Variants in RBM20 observed in about 807,000 individuals in gnomAD.
RBM20 encodes the protein RNA binding motif protein 20, also known as RNA-binding protein 20.
RBM20 carries 51 observed loss-of-function variants against 110.1 expected under a neutral mutation model. The ratio of observed to expected loss-of-function variants is 0.46; its 90% confidence interval spans 0.37 to 0.59. RBM20 has a LOEUF of 0.59. Among genes scored for constraint, RBM20 ranks in the 20% least tolerant of loss-of-function variants. The pLI, the probability that RBM20 is intolerant of heterozygous loss-of-function variation, is 0.00. For synonymous variants in RBM20, 589 were observed against 618.2 expected (o/e 0.95, Z 0.70); for missense variants, 1,512 against 1,574.9 (o/e 0.96, Z 0.68).
chr10:110,692,521 T>C (rs977130062), intron 1 of RBM20, among the ~76,000 whole-genome samples: 11 of 152,184 alleles, frequency 7.2e-5, no homozygotes, highest in African/African-American at 2.4e-4. Context: ...GAAATTGTTT[T>C]CATAATTTTC....
chr10:110,715,769 C>A (rs911038172), intron 1 of RBM20, among the ~76,000 whole-genome samples: 21 of 152,178 alleles, frequency 1.4e-4, no homozygotes, highest in African/African-American at 4.6e-4. Flanking sequence ...AGAGAGAGTA[C>A]TGAAGGGTCT....
At chr10:110,795,248 A>C (rs1844534241) in intron 5 of RBM20, among the ~76,000 whole-genome samples, 2 of 152,242 alleles carry the variant, frequency 1.3e-5, no homozygotes, top group Admixed American at 6.5e-5. Flanking sequence ...TCTGCTTCTT[A>C]ATAGCACTCC....
chr10:110,786,353 G>A (rs1196214578), intron 5 of RBM20, among the ~76,000 whole-genome samples: 1 of 152,210 alleles, frequency 6.6e-6, no homozygotes, highest in Non-Finnish European at 1.5e-5. Context: ...TCCCCTCTAC[G>A]TGTTGGCATT....
At chr10:110,831,372 T>C in intron 13 of RBM20, 190 bp downstream of exon 13, 1 of 561,660 alleles carries the variant, frequency 1.8e-6, no homozygotes, top group Non-Finnish European at 3.1e-6. Flanking sequence ...GTCTGTCTCC[T>C]TCCACTACAT....
At chr10:110,742,850 T>A (rs1280908319) in intron 1 of RBM20, among the ~76,000 whole-genome samples, 1 of 152,220 alleles carries the variant, frequency 6.6e-6, no homozygotes, top group Non-Finnish European at 1.5e-5. Context: ...GGGCTGATGC[T>A]AGAAACATAA....
chr10:110,680,490 T>C (rs1380075367), intron 1 of RBM20, among the ~76,000 whole-genome samples: 2 of 152,222 alleles, frequency 1.3e-5, no homozygotes, highest in Non-Finnish European at 2.9e-5. Context: ...AGCCTCCTTC[T>C]CCAAGTCTCA....
At chr10:110,799,427 A>G (rs1844593006) in intron 6 of RBM20, among the ~76,000 whole-genome samples, 2 of 152,164 alleles carry the variant, frequency 1.3e-5, no homozygotes, top group African/African-American at 4.8e-5. Flanking sequence ...GGGATCAAAG[A>G]GATCTCTTCC....
At position 110,783,414 on chromosome 10, in the gene RBM20, G is replaced by A; in HGVS notation, c.1324G>A (p.Val442Ile). ...KGKLHAQKCL[V>I]FSENAGIRCI... is the part of the protein sequence containing the mutation. ...GAAGCTGCACGCTCAGAAATGCCTG[G>A]TCTTCTCTGAAAAGTAAGTGCTGTT... The change falls in exon 3 of 14, where the codon GTC (valine) becomes ATC (isoleucine). Residue 442 changes from valine (V) to isoleucine (I), a missense_variant. Val to Ile is a conservative substitution (Grantham distance 29). Coordinates refer to ENST00000369519, the MANE Select transcript of RBM20 (RefSeq NM_001134363.3). The A allele has an allele frequency of 6.4e-7, 1 of 1,551,164 alleles. No individual in the cohort carries two copies. The highest frequency in any genetic ancestry group is 8.7e-7 in the Non-Finnish European group (1 of 1,146,580).
rs774454103 is a variant in RBM20, at chr10:110,839,016, A to G, written c.*3038A>G. On this transcript the variant is annotated 3_prime_UTR_variant, in exon 14 of 14. Coordinates refer to ENST00000369519, the MANE Select transcript of RBM20 (RefSeq NM_001134363.3). ...TCTTCAGTGTTTTGTCAACCATTTC[A>G]AAGTGTCTCCCAAAAAAGGATGCTG... is the stretch of plus-strand genomic sequence containing the variant. The G allele has an allele frequency of 6.6e-6, 1 of 152,194 alleles. No individual in the cohort carries two copies. The highest frequency in any genetic ancestry group is 6.5e-5 in the Admixed American group (1 of 15,276). 9.4% of individuals were successfully genotyped at this position (152,194 alleles called of 1,614,324 possible). A position where few individuals can be genotyped will look rare whatever the true frequency, so the allele number is the denominator to read the frequency against.
chr10:110,688,035 G>A (rs1590618106), intron 1 of RBM20, among the ~76,000 whole-genome samples: 2 of 128,470 alleles, frequency 1.6e-5, no homozygotes, highest in Admixed American at 7.8e-5. Flanking sequence ...GTGTGTGTGT[G>A]TATGTGTGTG....
chr10:110,764,389 GA>G (rs1844051488), intron 1 of RBM20, among the ~76,000 whole-genome samples: 1 of 152,242 alleles, frequency 6.6e-6, no homozygotes, highest in South Asian at 2.1e-4. Context: ...AGCGCGATCA[GA>G]CCTAGATCCC....
At chr10:110,724,249 T>A (rs1843538825) in intron 1 of RBM20, among the ~76,000 whole-genome samples, 1 of 152,218 alleles carries the variant, frequency 6.6e-6, no homozygotes, top group South Asian at 2.1e-4. Flanking sequence ...GATGCTGTGA[T>A]GCTGGACCTT....
At chr10:110,647,334 C>T (rs1268296212) in intron 1 of RBM20, among the ~76,000 whole-genome samples, 2 of 152,156 alleles carry the variant, frequency 1.3e-5, no homozygotes, top group African/African-American at 4.8e-5. Context: ...GAGTTAATTT[C>T]TCTGGAGTAC....
chr10:110,784,456 C>T, intron 4 of RBM20, 24 bp downstream of exon 4: 1 of 1,519,500 alleles, frequency 6.6e-7, no homozygotes, highest in Non-Finnish European at 8.9e-7. Flanking sequence ...TACAGGTCAG[C>T]AGCTTGAAGC....
intron 1 of RBM20, among the ~76,000 whole-genome samples, chr10:110,746,092 T>C (rs1309146422): frequency 6.6e-6 from 1 of 152,192 alleles, no homozygotes; most frequent in Admixed American, 6.5e-5. Flanking sequence ...GCGATTCGGC[T>C]GGAATTCATA....
At chr10:110,709,223 T>C (rs966651356) in intron 1 of RBM20, among the ~76,000 whole-genome samples, 2 of 152,128 alleles carry the variant, frequency 1.3e-5, no homozygotes, top group Non-Finnish European at 2.9e-5. Context: ...CGCTGTACAA[T>C]GTGGCATGGC....
chr10:110,826,283 C>T (rs1205245770), intron 12 of RBM20, among the ~76,000 whole-genome samples: 1 of 152,100 alleles, frequency 6.6e-6, no homozygotes, highest in East Asian at 1.9e-4. Flanking sequence ...AAGTGCATAT[C>T]AAGTGCATAG....
chr10:110,702,987 T>C (rs1862781107), intron 1 of RBM20, among the ~76,000 whole-genome samples: 1 of 134,186 alleles, frequency 7.5e-6, no homozygotes, highest in Non-Finnish European at 1.6e-5. Context: ...GGGTTTTTTT[T>C]CTTGTTTTTT....
chr10:110,824,903 T>C (rs1590703706), intron 12 of RBM20, among the ~76,000 whole-genome samples: 1 of 152,216 alleles, frequency 6.6e-6, no homozygotes, highest in Non-Finnish European at 1.5e-5. Context: ...TGTCTGATCA[T>C]GCAGGGAGGG....
Sources: allele counts gnomAD v4.1 joint callset (sites outside exome capture counted in the v4.1 genomes callset), GRCh38; gene constraint gnomAD v4.1.1; transcripts MANE v1.5; gene names NCBI Gene and HGNC (gene_info 2026-07-23, HGNC 2026-07-21).